The following RSRC1 variants were observed in gnomAD, a reference collection of about 807,000 sequenced individuals.
RSRC1 encodes arginine and serine rich coiled-coil 1.
Under a neutral mutation model 49.1 loss-of-function variants are expected in RSRC1, and 39 were observed. That is an observed-to-expected ratio of 0.79 (90% confidence interval 0.61 to 1.04). The LOEUF (loss-of-function observed/expected upper bound fraction) is 1.04, where lower values mean the gene tolerates loss of function less well. RSRC1 is among the 50% of genes least tolerant of loss of function. The pLI, the probability that RSRC1 is intolerant of heterozygous loss-of-function variation, is 0.00. For synonymous variants in RSRC1, 143 were observed against 130.8 expected (o/e 1.09, Z -0.63); for missense variants, 388 against 402.4 (o/e 0.96, Z 0.31).
intron 6 of RSRC1, among the ~76,000 whole-genome samples, chr3:158,365,309 C>G (rs910648218): frequency 3.3e-5 from 5 of 152,102 alleles, no homozygotes; most frequent in African/African-American, 1.2e-4. Flanking sequence ...AGTACCCACC[C>G]CCCGACAGGC....
intron 3 of RSRC1, among the ~76,000 whole-genome samples, chr3:158,177,722 A>G (rs577003922): frequency 1.3e-5 from 2 of 152,132 alleles, no homozygotes; most frequent in Admixed American, 6.5e-5. Context: ...CAGAAAACCA[A>G]CATGGCACAT....
In RSRC1 at chr3:158,470,426, G is replaced by GTTTATT. The variant is rs571007981; in HGVS notation, c.652+9426_652+9431dup. On this transcript the variant is annotated intron_variant, in intron 7 of 9. Transcript: ENST00000611884. ...GACCTTTTCTTGAAAGTGTATATAA[G>GTTTATT]TTTATTTTAGTTTTCTGGGATTAAG... Among the ~76,000 whole-genome samples, 526 of 149,962 alleles carry GTTTATT rather than the reference G, an allele frequency of 3.5e-3. 4 individuals are homozygous for GTTTATT. Among genetic ancestry groups the GTTTATT allele is most frequent in the African/African-American group, 0.012 (495 of 40,700 alleles).
chr3:158,471,893 C>T (rs1738147353), intron 7 of RSRC1, among the ~76,000 whole-genome samples: 1 of 152,158 alleles, frequency 6.6e-6, no homozygotes, highest in Non-Finnish European at 1.5e-5. Flanking sequence ...GCAGAGTAAA[C>T]ACCAAAGTCC....
At chr3:158,392,486 G>A (rs1733368492) in intron 6 of RSRC1, among the ~76,000 whole-genome samples, 1 of 152,016 alleles carries the variant, frequency 6.6e-6, no homozygotes. Context: ...CTATGATACA[G>A]TTGAAATATT....
intron 6 of RSRC1, among the ~76,000 whole-genome samples, chr3:158,437,546 G>A (rs1736118890): frequency 6.6e-6 from 1 of 152,104 alleles, no homozygotes; most frequent in Admixed American, 6.6e-5. Context: ...CACATAAACA[G>A]AACCAGTGAC....
chr3:158,378,295 A>G (rs1158494037), intron 6 of RSRC1, among the ~76,000 whole-genome samples: 12 of 152,178 alleles, frequency 7.9e-5, no homozygotes. Context: ...AAAAATAGCC[A>G]TTTACAAATC....
At chr3:158,406,948 G>A (rs1734188890) in intron 6 of RSRC1, among the ~76,000 whole-genome samples, 1 of 152,082 alleles carries the variant, frequency 6.6e-6, no homozygotes, top group East Asian at 1.9e-4. Context: ...TCGATAGGGT[G>A]CAGTGGCCCA....
chr3:158,463,956 T>C (rs930723197), intron 7 of RSRC1, among the ~76,000 whole-genome samples: 1 of 152,080 alleles, frequency 6.6e-6, no homozygotes, highest in South Asian at 2.1e-4. Context: ...TTAGTTGTTA[T>C]AGGAATGTTA....
At chr3:158,299,012 G>A (rs993401155) in intron 5 of RSRC1, among the ~76,000 whole-genome samples, 4 of 152,070 alleles carry the variant, frequency 2.6e-5, no homozygotes, top group Admixed American at 6.6e-5. Flanking sequence ...AATGGAAACT[G>A]AGGAAACCTA....
chr3:158,112,031 G>T (rs916073199), intron 1 of RSRC1, among the ~76,000 whole-genome samples: 1 of 152,206 alleles, frequency 6.6e-6, no homozygotes, highest in Non-Finnish European at 1.5e-5. Context: ...CAGTTCTGTA[G>T]TGGGAGTTGT....
intron 4 of RSRC1, among the ~76,000 whole-genome samples, chr3:158,284,040 C>T (rs546318080): frequency 4.0e-5 from 6 of 151,090 alleles, no homozygotes; most frequent in Admixed American, 6.6e-5. Context: ...ATCCCTCCCC[C>T]CTTCCCCCCA....
At chr3:158,432,573 C>T (rs1368642391) in intron 6 of RSRC1, among the ~76,000 whole-genome samples, 2 of 152,020 alleles carry the variant, frequency 1.3e-5, no homozygotes, top group East Asian at 3.9e-4. Flanking sequence ...CAGTCTCTTC[C>T]TCTGGAGAAG....
At chr3:158,361,356 G>C (rs1422263707) in intron 6 of RSRC1, among the ~76,000 whole-genome samples, 4 of 152,186 alleles carry the variant, frequency 2.6e-5, no homozygotes, top group Non-Finnish European at 4.4e-5. Flanking sequence ...CAGTGGGCAA[G>C]AGCAGCGACA....
intron 3 of RSRC1, among the ~76,000 whole-genome samples, chr3:158,128,572 A>G (rs1203982303): frequency 1.3e-5 from 2 of 152,194 alleles, no homozygotes; most frequent in East Asian, 1.9e-4. Context: ...GTAAAAAATA[A>G]TACAGAATTT....
intron 3 of RSRC1, among the ~76,000 whole-genome samples, chr3:158,127,082 G>T (rs1715676334): frequency 6.6e-6 from 1 of 151,956 alleles, no homozygotes; most frequent in South Asian, 2.1e-4. Context: ...TTGTTAATTA[G>T]ATTATAATGT....
intron 6 of RSRC1, among the ~76,000 whole-genome samples, chr3:158,400,292 T>C (rs1479377736): frequency 6.6e-6 from 1 of 152,134 alleles, no homozygotes; most frequent in Admixed American, 6.6e-5. Context: ...CAGTGCCAGT[T>C]GTATATAAAT....
intron 4 of RSRC1, among the ~76,000 whole-genome samples, chr3:158,277,555 T>C (rs914956400): frequency 2.0e-5 from 3 of 152,208 alleles, no homozygotes; most frequent in Admixed American, 6.5e-5. Flanking sequence ...AGAAAAATAC[T>C]GCTGGAAGTG....
intron 6 of RSRC1, among the ~76,000 whole-genome samples, chr3:158,437,695 A>T (rs1578477163): frequency 6.6e-6 from 1 of 152,110 alleles, no homozygotes; most frequent in Non-Finnish European, 1.5e-5. Context: ...TTTATGACAA[A>T]CTCACAGCCA....
chr3:158,317,310 ACT>A (rs1044034368), intron 5 of RSRC1, among the ~76,000 whole-genome samples: 2 of 151,762 alleles, frequency 1.3e-5, no homozygotes, highest in African/African-American at 4.8e-5. Context: ...CTCACTGCAA[ACT>A]CTGCCTTGTG....
Sources: gnomAD v4.1 joint callset for allele counts (sites outside exome capture counted in the v4.1 genomes callset) on GRCh38, gnomAD v4.1.1 for gene constraint, MANE v1.5 for transcripts, NCBI Gene and HGNC (gene_info 2026-07-23, HGNC 2026-07-21) for gene names.